Variants in NCAPD2 observed in about 807,000 individuals in gnomAD.
NCAPD2 encodes condensin complex subunit 1.
In NCAPD2, 100 loss-of-function variants were observed where a neutral mutation model predicts 164.5. That is an observed-to-expected ratio of 0.61 (90% CI 0.52 to 0.72). The LOEUF (loss-of-function observed/expected upper bound fraction) is 0.72, where lower values mean the gene tolerates loss of function less well. Among genes scored for constraint, NCAPD2 ranks in the 30% least tolerant of loss-of-function variants. NCAPD2 has a pLI of 0.00. For synonymous variants in NCAPD2, 585 were observed against 642.6 expected, an observed-to-expected ratio of 0.91 and a Z score of 1.36; for missense variants, 1,560 against 1,749.2, an observed-to-expected ratio of 0.89 and a Z score of 1.93.
In NCAPD2 at chr12:6,494,169, T is replaced by C. The variant is rs1310942628; in HGVS notation, c.-24+15T>C. On this transcript the variant is annotated intron_variant, in intron 1 of 31. Coordinates refer to ENST00000315579, the MANE Select transcript of NCAPD2 (RefSeq NM_014865.4). ...GAGATCCCCAGGTAAGATGTGGTGT[T>C]GCAGGTCGTAAAAGAGTAGGAAAGT... is the stretch of plus-strand genomic sequence containing the variant. The C allele has an allele frequency of 1.3e-5, 2 of 152,308 alleles. No homozygotes were observed. Among genetic ancestry groups the C allele is most frequent in the African/African-American group, 4.8e-5 (2 of 41,446 alleles). The allele number at this position is 152,308 out of a possible 1,614,324, so 9.4% of individuals were successfully genotyped here. A position where few individuals can be genotyped will look rare whatever the true frequency, so the allele number is the denominator to read the frequency against.
At chr12:6,511,829 T>C (rs989719110) in intron 6 of NCAPD2, among the ~76,000 whole-genome samples, 3 of 150,586 alleles carry the variant, frequency 2.0e-5, no homozygotes, top group African/African-American at 7.3e-5. Flanking sequence ...TAAAAAAATA[T>C]GAAAATTAGC....
rs1201155682 is a variant in NCAPD2 at position 6,528,267 on chromosome 12, G to A, written c.3238G>A (p.Gly1080Arg). The change falls in exon 25 of 32, where the codon GGG (glycine) becomes AGG (arginine). Residue 1080 changes from glycine to arginine, a missense_variant. Transcript: ENST00000315579. This position sits in a 1 kb window ranked among gnomAD's most constrained non-coding sequence, Gnocchi z 5.1. The stretch of plus-strand genomic sequence containing the variant: ...CCGGTCTAACCTCATGGTTGCCACT[G>A]GGGATCTGGCCATCCGCTTTCCCAA... ...IVRSNLMVAT[G>R]DLAIRFPNLV... 3 of 1,613,940 alleles carry A rather than the reference G, an allele frequency of 1.9e-6. No individual in the cohort carries two copies. Among genetic ancestry groups the A allele is most frequent in the Non-Finnish European group, 2.5e-6 (3 of 1,180,028 alleles).
chr12:6,517,212 C>T, intron 10 of NCAPD2, 153 bp from the exon 11 acceptor site: 1 of 1,287,236 alleles, frequency 7.8e-7, no homozygotes, highest in Non-Finnish European at 1.1e-6. Flanking sequence ...TGTAATGTGT[C>T]TTACCACTAC....
In NCAPD2 at chr12:6,528,369, C is replaced by T; in HGVS notation, c.3299+41C>T. 7 of 1,611,302 alleles carry T rather than the reference C, an allele frequency of 4.3e-6. No homozygotes were observed. The highest frequency in any genetic ancestry group is 5.9e-6 in the Non-Finnish European group (7 of 1,178,980). On this transcript the variant is annotated intron_variant, in intron 25 of 31. Transcript: ENST00000315579. The surrounding 1 kb of genome is among the most constrained non-coding windows in gnomAD (Gnocchi z 5.1). ...CAACGTGGTGGCAGTTCCCAGGAGCCCCGGAGTCTGTTGAGAGTCAGTGTG... is the reference window on the plus strand; with the variant it reads ...CAACGTGGTGGCAGTTCCCAGGAGCTCCGGAGTCTGTTGAGAGTCAGTGTG...
At chr12:6,524,849 C>T (rs997170978) in intron 17 of NCAPD2, among the ~76,000 whole-genome samples, 2 of 152,058 alleles carry the variant, frequency 1.3e-5, no homozygotes, top group African/African-American at 2.4e-5. Flanking sequence ...CGCTGGGAAG[C>T]GTGCTCCTGC....
At chr12:6,517,219 C>T in intron 10 of NCAPD2, 146 bp from the exon 11 acceptor site, 1 of 1,324,130 alleles carries the variant, frequency 7.6e-7, no homozygotes, top group South Asian at 1.4e-5. Flanking sequence ...TGTCTTACCA[C>T]TACAAGGAGT....
chr12:6,522,931 G>T lies in NCAPD2; in HGVS notation c.2058G>T (p.Glu686Asp). The T allele has an allele frequency of 1.9e-6, 3 of 1,614,200 alleles. No individual in the cohort carries two copies. Among genetic ancestry groups the T allele is most frequent in the Non-Finnish European group, 2.5e-6 (3 of 1,180,034 alleles). ...TGCTGCCTCTCATCTGGTCTAAGGA[G>T]CCTGGTGTCCGGGAAGCCGTGCTTA... is the stretch of plus-strand genomic sequence containing the variant. ...RRMLPLIWSK[E>D]PGVREAVLNA... The change falls in exon 16 of 32, where the codon GAG (glutamate) becomes GAT (aspartate). Residue 686 changes from glutamate (E) to aspartate (D), a missense_variant. By Grantham distance (45) the Glu-to-Asp change is conservative. Coordinates refer to ENST00000315579, the MANE Select transcript of NCAPD2 (RefSeq NM_014865.4).
Position 6,528,534 on chromosome 12 carries a change from T to A in NCAPD2, c.3300-145T>A. ...TAGAAGCTTCACCTCTTTCCCCCAC[T>A]CCAGCTTTCAACTCTAGACAGCTTT... On this transcript the variant is annotated intron_variant, in intron 25 of 31. Coordinates refer to ENST00000315579, the MANE Select transcript of NCAPD2 (RefSeq NM_014865.4). The surrounding 1 kb of genome is among the most constrained non-coding windows in gnomAD (Gnocchi z 5.1). 1.7e-6 allele frequency: 2 copies of A among 1,177,174 alleles called. No homozygotes were observed. Among genetic ancestry groups the A allele is most frequent in the Non-Finnish European group, 2.4e-6 (2 of 837,862 alleles). 72.9% of individuals were successfully genotyped at this position (1,177,174 alleles called of 1,614,324 possible).
intron 6 of NCAPD2, among the ~76,000 whole-genome samples, chr12:6,512,449 A>T (rs1259345181): frequency 1.3e-5 from 2 of 152,224 alleles, no homozygotes; most frequent in African/African-American, 4.8e-5. Context: ...AAGGAATAGC[A>T]TATGCAAAGA....
At chr12:6,499,871 A>G (rs1946019278) in intron 2 of NCAPD2, among the ~76,000 whole-genome samples, 1 of 152,038 alleles carries the variant, frequency 6.6e-6, no homozygotes, top group South Asian at 2.1e-4. Context: ...CTGTAATCCT[A>G]GCACTTTGGG....
In NCAPD2 at chr12:6,531,497, C is replaced by A; in HGVS notation, c.*85C>A. Reference sequence around the variant, plus strand: ...TCTGTTTCCCTTGTAAAATATTTGTCTGTCTCTTTTTTTTAAAAAAAAAAA... The same window carrying A: ...TCTGTTTCCCTTGTAAAATATTTGTATGTCTCTTTTTTTTAAAAAAAAAAA... On this transcript the variant is annotated 3_prime_UTR_variant, in exon 32 of 32. Coordinates refer to ENST00000315579, the MANE Select transcript of NCAPD2 (RefSeq NM_014865.4). The surrounding 1 kb of genome is among the most constrained non-coding windows in gnomAD (Gnocchi z 4.1). 6.5e-7 allele frequency: 1 copy of A among 1,546,590 alleles called. No individual in the cohort carries two copies. Among genetic ancestry groups the A allele is most frequent in the East Asian group, 2.4e-5 (1 of 41,752 alleles).
At chr12:6,504,229 A>ATATACACATATATATATATG in intron 2 of NCAPD2, among the ~76,000 whole-genome samples, 1 of 88,464 alleles carries the variant, frequency 1.1e-5, no homozygotes, top group African/African-American at 4.2e-5. Flanking sequence ...ATATAGATAT[A>ATATACACATATATATATATG]TATATATATA....
intron 17 of NCAPD2, among the ~76,000 whole-genome samples, chr12:6,524,019 A>G (rs1042101716): frequency 1.3e-5 from 2 of 152,218 alleles, no homozygotes; most frequent in Non-Finnish European, 2.9e-5. Flanking sequence ...GCATTTTACA[A>G]TGAGAAATCT....
At position 6,525,965 on chromosome 12, in the gene NCAPD2, T is replaced by C. The variant is rs994668522; in HGVS notation, c.2349-103T>C. 2.0e-6 allele frequency: 3 copies of C among 1,470,964 alleles called. No homozygotes were observed. The Admixed American group carries it at 5.7e-5, about 28-fold the overall frequency. 91.1% of individuals were successfully genotyped at this position (1,470,964 alleles called of 1,614,324 possible). ...GAGCCACGCTATAGTGCTCCACGGCTCTAGACACCACATGAGGTGCTGGTA... is the reference window on the plus strand; with the variant it reads ...GAGCCACGCTATAGTGCTCCACGGCCCTAGACACCACATGAGGTGCTGGTA... On this transcript the variant is annotated intron_variant, in intron 18 of 31. Coordinates refer to ENST00000315579, the MANE Select transcript of NCAPD2 (RefSeq NM_014865.4).
Position 6,526,959 on chromosome 12 carries a change from C to T in NCAPD2, c.2803C>T (p.Leu935=). The T allele has an allele frequency of 1.2e-6, 2 of 1,614,184 alleles. No homozygotes were observed. The highest frequency in any genetic ancestry group is 1.7e-6 in the Non-Finnish European group (2 of 1,180,032). Residue 935 remains leucine (L), a synonymous_variant, in exon 22 of 32, where the codon CTG becomes TTG. Transcript: ENST00000315579. ...GCTGTCCCTGGCTGGGGATGTGGCT[C>T]TGCAGCAGCTGGTCCACTTGGAGCA... ...NLLSLAGDVA[L]QQLVHLEQAV...
chr12:6,531,438 C>G lies in NCAPD2; in HGVS notation c.*26C>G, dbSNP rs748702337. ...GAAGTCTGTTCCTGTCCTCCCTGTG[C>G]AGGGTATCCTGTAGGGTGACCTGGA... On this transcript the variant is annotated 3_prime_UTR_variant, in exon 32 of 32. Coordinates refer to ENST00000315579, the MANE Select transcript of NCAPD2 (RefSeq NM_014865.4). This position sits in a 1 kb window ranked among gnomAD's most constrained non-coding sequence, Gnocchi z 4.1. 1 of 1,611,890 alleles carries G rather than the reference C, an allele frequency of 6.2e-7. No individual in the cohort carries two copies. The highest frequency in any genetic ancestry group is 8.5e-7 in the Non-Finnish European group (1 of 1,179,242).
chr12:6,523,122 C>T, intron 16 of NCAPD2, 120 bp downstream of exon 16: 1 of 1,443,946 alleles, frequency 6.9e-7, no homozygotes, highest in African/African-American at 1.4e-5. Context: ...ATAGGCAGTC[C>T]ATCATAGTGG....
At position 6,531,431 on chromosome 12, in the gene NCAPD2, C is replaced by A. The variant is rs777359373; in HGVS notation, c.*19C>A. ...ATCCTAGGAAGTCTGTTCCTGTCCT[C>A]CCTGTGCAGGGTATCCTGTAGGGTG... is the stretch of plus-strand genomic sequence containing the variant. On this transcript the variant is annotated 3_prime_UTR_variant, in exon 32 of 32. Coordinates refer to ENST00000315579, the MANE Select transcript of NCAPD2 (RefSeq NM_014865.4). The surrounding 1 kb of genome is among the most constrained non-coding windows in gnomAD (Gnocchi z 4.1). 5.6e-6 allele frequency: 9 copies of A among 1,612,768 alleles called. No homozygotes were observed. Among genetic ancestry groups the A allele is most frequent in the Non-Finnish European group, 7.6e-6 (9 of 1,179,456 alleles).
chr12:6,527,054 C>T lies in NCAPD2; in HGVS notation c.2898C>T (p.Pro966=). The change falls in exon 22 of 32, where the codon CCC becomes CCT. Residue 966 remains proline (P), a synonymous_variant. Coordinates refer to ENST00000315579, the MANE Select transcript of NCAPD2 (RefSeq NM_014865.4). ...AACAGGAGCACAAGACCAAAGATCC[C>T]AAGGAGAAGGTGTGTGAATGTCCTC... ...REEQEHKTKD[P]KEKNTSSETT... is the part of the protein sequence containing the mutation. 1 of 1,611,166 alleles carries T rather than the reference C, an allele frequency of 6.2e-7. No individual in the cohort carries two copies. The highest frequency in any genetic ancestry group is 1.1e-5 in the South Asian group (1 of 90,736).
Sources: allele counts gnomAD v4.1 joint callset (sites outside exome capture counted in the v4.1 genomes callset), GRCh38; gene constraint gnomAD v4.1.1; non-coding constraint Gnocchi (gnomAD v3.1); transcripts MANE v1.5; gene names NCBI Gene and HGNC (gene_info 2026-07-23, HGNC 2026-07-21).